The following ASTN2 variants were observed in gnomAD, a reference collection of about 807,000 sequenced individuals.
ASTN2 encodes the protein astrotactin-2.
A neutral mutation model predicts 139.8 loss-of-function variants in ASTN2; 54 were observed. That is an observed-to-expected ratio of 0.39 (90% CI 0.31 to 0.48). The LOEUF is 0.48. Ranked by LOEUF, ASTN2 falls within the 20% of genes least tolerant of loss-of-function variation. The pLI is 0.95. For missense variants in ASTN2, 1,565 were observed against 1,725.1 expected (o/e 0.91, Z 1.64); for synonymous variants, 756 against 719.5 (o/e 1.05, Z -0.81).
chr9:117,276,855 A>G (rs748015962), intron 2 of ASTN2: 9 of 152,216 alleles, frequency 5.9e-5, no homozygotes, highest in South Asian at 2.1e-4. Context: ...ATGTACCACA[A>G]TGATCCAATC....
intron 13 of ASTN2, among the ~76,000 whole-genome samples, chr9:116,755,844 G>T (rs550134139): frequency 6.6e-6 from 1 of 152,230 alleles, no homozygotes; most frequent in African/African-American, 2.4e-5. Flanking sequence ...GAGGCAGAAG[G>T]TGATGTAAAC....
At chr9:117,076,971 T>A (rs1255024006) in intron 5 of ASTN2, among the ~76,000 whole-genome samples, 1 of 150,798 alleles carries the variant, frequency 6.6e-6, no homozygotes, top group African/African-American at 2.4e-5. Context: ...GGCCCTTATC[T>A]TGACAGTGAA....
At chr9:116,958,818 C>A (rs1421121280) in intron 10 of ASTN2, among the ~76,000 whole-genome samples, 1 of 151,948 alleles carries the variant, frequency 6.6e-6, no homozygotes, top group Non-Finnish European at 1.5e-5. Context: ...ATATAGGATG[C>A]AGACAGCAGG....
chr9:116,775,075 T>C (rs1053139523), intron 13 of ASTN2, among the ~76,000 whole-genome samples: 1 of 152,092 alleles, frequency 6.6e-6, no homozygotes, highest in African/African-American at 2.4e-5. Context: ...GGTAATAGAA[T>C]TTCAGGGACA....
intron 2 of ASTN2, among the ~76,000 whole-genome samples, chr9:117,246,214 C>A (rs1159688063): frequency 1.3e-5 from 2 of 152,128 alleles, no homozygotes; most frequent in African/African-American, 2.4e-5. Context: ...TGAAAAAGTC[C>A]TTGAAGGTAC....
chr9:117,348,339 C>T lies in ASTN2; in HGVS notation c.443-56826G>A, dbSNP rs545137080. Among the ~76,000 whole-genome samples the T allele has an allele frequency of 4.6e-5, 7 of 152,104 alleles. No homozygotes were observed. In the East Asian group the frequency reaches 5.8e-4, roughly 13 times the overall value. On this transcript the variant is annotated intron_variant, in intron 1 of 22. Coordinates refer to ENST00000313400, the MANE Select transcript of ASTN2 (RefSeq NM_001365068.1). ...AACTCTATTTCTCTTTTAACTCTACCGATACTCATTTCAATTTGCCATTCT... is the reference window on the plus strand; with the variant it reads ...AACTCTATTTCTCTTTTAACTCTACTGATACTCATTTCAATTTGCCATTCT...
intron 17 of ASTN2, among the ~76,000 whole-genome samples, chr9:116,638,040 A>G (rs1857155663): frequency 6.6e-6 from 1 of 152,202 alleles, no homozygotes; most frequent in Non-Finnish European, 1.5e-5. Flanking sequence ...TTCAAAAAGA[A>G]GCTCTTGCAG....
intron 3 of ASTN2, among the ~76,000 whole-genome samples, chr9:117,147,438 AAC>A (rs35703147): frequency 8.8e-5 from 13 of 148,370 alleles, no homozygotes; most frequent in South Asian, 2.2e-4. Flanking sequence ...TCTGACTCAA[AAC>A]ACACACACAC....
chr9:117,122,442 C>T (rs1197758552), intron 4 of ASTN2, among the ~76,000 whole-genome samples: 1 of 152,144 alleles, frequency 6.6e-6, no homozygotes, highest in Non-Finnish European at 1.5e-5. Context: ...CATTTAGGGA[C>T]ACCTGGGAGT....
chr9:117,179,144 A>G (rs980932123), intron 3 of ASTN2, among the ~76,000 whole-genome samples: 4 of 152,176 alleles, frequency 2.6e-5, no homozygotes, highest in African/African-American at 7.2e-5. Context: ...GTGCCAGGAA[A>G]TATCCCATGT....
intron 1 of ASTN2, among the ~76,000 whole-genome samples, chr9:117,365,140 C>A (rs1034214401): frequency 1.3e-5 from 2 of 149,432 alleles, no homozygotes; most frequent in African/African-American, 4.9e-5. Flanking sequence ...TGGAGCAAAA[C>A]CCTGTCTCAG....
At chr9:116,650,354 G>A (rs73528795) in intron 17 of ASTN2, among the ~76,000 whole-genome samples, 4,466 of 152,162 alleles carry the variant, frequency 0.029, 204 homozygotes, top group African/African-American at 0.1. Flanking sequence ...GTCCCCTCAA[G>A]CCCTGCCATT....
intron 13 of ASTN2, among the ~76,000 whole-genome samples, chr9:116,780,548 AGTT>A (rs1377024844): frequency 6.6e-6 from 1 of 152,170 alleles, no homozygotes; most frequent in Non-Finnish European, 1.5e-5. Context: ...GAAGACAGTA[AGTT>A]TCTATCACGC....
intron 10 of ASTN2, among the ~76,000 whole-genome samples, chr9:116,931,489 T>C: frequency 6.6e-6 from 1 of 152,158 alleles, no homozygotes; most frequent in East Asian, 1.9e-4. Context: ...GATTCTTAGG[T>C]TTTACTTTGC....
At chr9:116,700,400 G>A (rs1328118122) in intron 16 of ASTN2, 1 of 167,186 alleles carries the variant, frequency 6.0e-6, no homozygotes, top group Non-Finnish European at 1.5e-5. Flanking sequence ...CTTCAGCCTG[G>A]AAATTGCTTG....
intron 3 of ASTN2, among the ~76,000 whole-genome samples, chr9:117,193,065 T>C (rs903296881): frequency 1.3e-5 from 2 of 152,146 alleles, no homozygotes; most frequent in African/African-American, 4.8e-5. Context: ...TGGGTGATGG[T>C]AAACATTTGT....
chr9:117,002,882 T>G (rs1837231394), intron 7 of ASTN2, among the ~76,000 whole-genome samples: 1 of 152,132 alleles, frequency 6.6e-6, no homozygotes, highest in Admixed American at 6.5e-5. Context: ...CACAGAAGGC[T>G]ATGACAGTAG....
At chr9:117,221,431 CTTTA>C (rs1275509243) in intron 2 of ASTN2, among the ~76,000 whole-genome samples, 1 of 152,128 alleles carries the variant, frequency 6.6e-6, no homozygotes, top group Non-Finnish European at 1.5e-5. Flanking sequence ...ATGAAAAATG[CTTTA>C]TTTGACAATG....
chr9:116,992,379 CAG>C (rs1836884666), intron 7 of ASTN2, among the ~76,000 whole-genome samples: 1 of 152,274 alleles, frequency 6.6e-6, no homozygotes, highest in East Asian at 1.9e-4. Flanking sequence ...GTTATCTCAG[CAG>C]AGTCTTTAAA....
Sources: allele counts gnomAD v4.1 joint callset (sites outside exome capture counted in the v4.1 genomes callset), GRCh38; gene constraint gnomAD v4.1.1; transcripts MANE v1.5; gene names NCBI Gene and HGNC (gene_info 2026-07-23, HGNC 2026-07-21).